The following ADAM9 variants were observed in gnomAD, a reference collection of about 807,000 sequenced individuals.
ADAM9 encodes ADAM metallopeptidase domain 9, also known as disintegrin and metalloproteinase domain-containing protein 9.
ADAM9 carries 54 observed loss-of-function variants against 108.1 expected under a neutral mutation model. That is an observed-to-expected ratio of 0.50 (90% CI 0.40 to 0.63). The LOEUF (loss-of-function observed/expected upper bound fraction) is 0.63. Ranked by LOEUF, ADAM9 falls within the 20% of genes least tolerant of loss-of-function variation. The pLI is 0.00. For synonymous variants in ADAM9, 316 were observed against 336.0 expected (o/e 0.94, Z 0.65); for missense variants, 830 against 997.7 (o/e 0.83, Z 2.26).
chr8:39,014,121 A>G (rs750059527), intron 4 of ADAM9, 78 bp downstream of exon 4: 3 of 1,190,834 alleles, frequency 2.5e-6, no homozygotes, highest in Admixed American at 3.4e-5. Flanking sequence ...ATAGGCACTC[A>G]GGACTGTTAC....
intron 3 of ADAM9, among the ~76,000 whole-genome samples, 182 bp from the exon 4 acceptor site, chr8:39,013,783 T>A (rs960193214): frequency 6.6e-6 from 1 of 152,170 alleles, no homozygotes; most frequent in Non-Finnish European, 1.5e-5. Flanking sequence ...GTTACAAGTG[T>A]GAGCCACTGC....
At chr8:39,058,736 C>G (rs1350114813) in intron 14 of ADAM9, among the ~76,000 whole-genome samples, 1 of 152,176 alleles carries the variant, frequency 6.6e-6, no homozygotes, top group African/African-American at 2.4e-5. Flanking sequence ...CTGGTGGCAG[C>G]ATTCCTCCTT....
chr8:39,011,847 G>A, intron 3 of ADAM9, 131 bp downstream of exon 3: 2 of 846,280 alleles, frequency 2.4e-6, no homozygotes, highest in Admixed American at 4.5e-5. Context: ...TCATATTGGT[G>A]CTGCACAGTG....
Position 39,017,354 on chromosome 8 carries a change from A to G in ADAM9, c.546A>G (p.Ile182Met). Residue 182 changes from isoleucine (I) to methionine (M), a missense_variant, in exon 6 of 22, where the codon ATA becomes ATG. Around this residue, in one of 3 missense-constraint regions of ADAM9, gnomAD observed 211 missense variants for 222.2 expected, o/e 0.95. Transcript: ENST00000487273. ...AATGTGGAGTTTCCAACAAGGATAT[A>G]GAGAAAGAAACTGCAAAGGATGAAG... ...PLKCGVSNKD[I>M]EKETAKDEEE... 6.2e-7 allele frequency: 1 copy of G among 1,614,174 alleles called. No individual in the cohort carries two copies. Among genetic ancestry groups the G allele is most frequent in the Non-Finnish European group, 8.5e-7 (1 of 1,180,024 alleles).
intron 11 of ADAM9, among the ~76,000 whole-genome samples, chr8:39,037,312 G>A (rs1018180805): frequency 2.7e-5 from 4 of 150,012 alleles, no homozygotes; most frequent in African/African-American, 9.7e-5. Context: ...GCCTCCCAAA[G>A]TGCTGGGATT....
In ADAM9 at chr8:39,025,888, C is replaced by T. The variant is rs769848349; in HGVS notation, c.996+4C>T. 1.1e-5 allele frequency: 18 copies of T among 1,613,642 alleles called. No individual in the cohort carries two copies. The African/African-American group carries it at 1.5e-4, about 13-fold the overall frequency. On this transcript the variant is annotated splice_donor_region_variant and intron_variant, in intron 10 of 21. Coordinates refer to ENST00000487273, the MANE Select transcript of ADAM9 (RefSeq NM_003816.3). ...CCACGCAGGCGGGATTAATGTGGTACGTTGTTCTTGATGTTTAACTTTGGA... is the reference window on the plus strand; with the variant it reads ...CCACGCAGGCGGGATTAATGTGGTATGTTGTTCTTGATGTTTAACTTTGGA...
intron 14 of ADAM9, among the ~76,000 whole-genome samples, chr8:39,061,225 C>G (rs1403199336): frequency 6.6e-6 from 1 of 152,186 alleles, no homozygotes; most frequent in Admixed American, 6.5e-5. Context: ...TGGGTTCCAC[C>G]TGGCCTTTCT....
chr8:39,029,650 C>T (rs993341238), intron 11 of ADAM9, among the ~76,000 whole-genome samples: 1 of 152,112 alleles, frequency 6.6e-6, no homozygotes, highest in Non-Finnish European at 1.5e-5. Context: ...GATTATGTGA[C>T]TTTGATCCTT....
chr8:39,001,577 A>C (rs886195842), intron 1 of ADAM9, among the ~76,000 whole-genome samples: 2 of 152,242 alleles, frequency 1.3e-5, no homozygotes, highest in African/African-American at 4.8e-5. Flanking sequence ...TTTTAAATGT[A>C]AAGATGGGTA....
intron 11 of ADAM9, among the ~76,000 whole-genome samples, chr8:39,033,728 A>G (rs1458409723): frequency 2.0e-5 from 3 of 152,178 alleles, no homozygotes; most frequent in African/African-American, 7.2e-5. Context: ...GTAATCTGAA[A>G]TGAATCTCAG....
At chr8:39,051,104 C>A (rs984915985) in intron 12 of ADAM9, among the ~76,000 whole-genome samples, 2 of 152,044 alleles carry the variant, frequency 1.3e-5, no homozygotes, top group Non-Finnish European at 2.9e-5. Context: ...AACCTACTAC[C>A]TTTGTTCTCT....
intron 2 of ADAM9, 147 bp downstream of exon 2, chr8:39,008,130 T>G: frequency 1.6e-6 from 1 of 641,410 alleles, no homozygotes; most frequent in East Asian, 2.8e-5. Flanking sequence ...TGATGTCCCC[T>G]GGATGTTATG....
intron 15 of ADAM9, chr8:39,076,108 A>G (rs942216136): frequency 3.9e-5 from 6 of 152,224 alleles, no homozygotes; most frequent in Non-Finnish European, 5.9e-5. Context: ...TACAGTATCT[A>G]GAATAAACAA....
intron 8 of ADAM9, 113 bp from the exon 9 acceptor site, chr8:39,023,043 T>G (rs1007327171): frequency 6.1e-5 from 59 of 962,790 alleles, no homozygotes; most frequent in Non-Finnish European, 8.3e-5. Context: ...GGAAAGATAG[T>G]TTTTTTTAGG....
At chr8:39,044,313 T>C (rs1041988408) in intron 12 of ADAM9, among the ~76,000 whole-genome samples, 10 of 152,210 alleles carry the variant, frequency 6.6e-5, no homozygotes, top group African/African-American at 2.4e-4. Context: ...CATGTTGATA[T>C]CCAGTTTTCC....
chr8:39,038,882 T>TA (rs1306436542), intron 11 of ADAM9, among the ~76,000 whole-genome samples: 4 of 152,244 alleles, frequency 2.6e-5, no homozygotes, highest in African/African-American at 9.6e-5. Flanking sequence ...AAACCATTGA[T>TA]AGTTTATGTT....
chr8:39,045,118 G>GTGTGTGCATACATACATA (rs1564297683), intron 12 of ADAM9, among the ~76,000 whole-genome samples: 3 of 72,016 alleles, frequency 4.2e-5, no homozygotes, highest in Non-Finnish European at 8.0e-5. Flanking sequence ...ACATACATAT[G>GTGTGTGCATACATACATA]TGTGTGTGCA....
chr8:39,054,349 A>T, intron 12 of ADAM9, 132 bp from the exon 13 acceptor site: 17 of 764,190 alleles, frequency 2.2e-5, no homozygotes, highest in Non-Finnish European at 3.8e-5. Flanking sequence ...AACAGTAAGC[A>T]ACTGTTTCTG....
At chr8:39,036,650 C>T (rs1837285087) in intron 11 of ADAM9, among the ~76,000 whole-genome samples, 1 of 152,080 alleles carries the variant, frequency 6.6e-6, no homozygotes, top group Non-Finnish European at 1.5e-5. Context: ...TCTTCAAGCC[C>T]CGTATCAGGA....
Sources: allele counts gnomAD v4.1 joint callset (sites outside exome capture counted in the v4.1 genomes callset), GRCh38; gene constraint gnomAD v4.1.1; regional missense constraint gnomAD v4.1.1; transcripts MANE v1.5; gene names NCBI Gene and HGNC (gene_info 2026-07-23, HGNC 2026-07-21).